PPP1R9A: variants seen among roughly 807,000 people sequenced by gnomAD.
PPP1R9A encodes the protein neurabin-1.
A neutral mutation model predicts 141.9 loss-of-function variants in PPP1R9A; 59 were observed. The ratio of observed to expected loss-of-function variants is 0.42; its 90% CI spans 0.34 to 0.52. The LOEUF is 0.52. PPP1R9A is among the 20% of genes least tolerant of loss of function. The pLI is 0.10. For synonymous variants in PPP1R9A, 500 were observed against 569.7 expected, an observed-to-expected ratio of 0.88 and a Z score of 1.74; for missense variants, 1,444 against 1,611.9, an observed-to-expected ratio of 0.90 and a Z score of 1.78.
At chr7:95,078,263 C>G (rs1052581071) in intron 2 of PPP1R9A, among the ~76,000 whole-genome samples, 26 of 151,534 alleles carry the variant, frequency 1.7e-4, no homozygotes, top group African/African-American at 4.4e-4. Context: ...AGTTTACTGA[C>G]AATGATGATT....
chr7:95,087,526 C>T (rs543493653), intron 2 of PPP1R9A, among the ~76,000 whole-genome samples: 2 of 152,114 alleles, frequency 1.3e-5, no homozygotes, highest in Admixed American at 6.5e-5. Context: ...AAAAGTGAAA[C>T]ATGATGAAAT....
At chr7:94,947,469 C>T (rs565944360) in intron 2 of PPP1R9A, among the ~76,000 whole-genome samples, 2 of 152,260 alleles carry the variant, frequency 1.3e-5, no homozygotes, top group East Asian at 1.9e-4. Context: ...GCATTTTCTA[C>T]AGCTACAGTG....
At chr7:94,944,126 A>G (rs1319109070) in intron 2 of PPP1R9A, among the ~76,000 whole-genome samples, 2 of 152,138 alleles carry the variant, frequency 1.3e-5, no homozygotes, top group Non-Finnish European at 2.9e-5. Flanking sequence ...GATATCCATC[A>G]CGTTATACTT....
intron 2 of PPP1R9A, among the ~76,000 whole-genome samples, chr7:95,020,331 G>A (rs1270255517): frequency 6.6e-6 from 1 of 151,886 alleles, no homozygotes; most frequent in Non-Finnish European, 1.5e-5. Context: ...TACATATCCA[G>A]GTCATTGTGA....
chr7:95,259,038 T>A (rs1800034932), intron 12 of PPP1R9A, among the ~76,000 whole-genome samples: 1 of 152,206 alleles, frequency 6.6e-6, no homozygotes, highest in African/African-American at 2.4e-5. Context: ...TTAATTAATT[T>A]TAGTTACACC....
At chr7:95,202,439 A>G (rs1010540544) in intron 6 of PPP1R9A, 2 of 184,446 alleles carry the variant, frequency 1.1e-5, no homozygotes, top group Non-Finnish European at 2.0e-5. Context: ...TGAATATTTG[A>G]ACAATTGAAA....
chr7:95,063,633 G>A (rs1482062523), intron 2 of PPP1R9A, among the ~76,000 whole-genome samples: 2 of 152,122 alleles, frequency 1.3e-5, no homozygotes, highest in Admixed American at 1.3e-4. Context: ...ATTCTTACAT[G>A]TGTATGTGAT....
chr7:95,120,668 A>C, intron 3 of PPP1R9A, 44 bp from the exon 4 acceptor site: 1 of 1,600,450 alleles, frequency 6.2e-7, no homozygotes, highest in South Asian at 1.1e-5. Flanking sequence ...GACTAGTGTA[A>C]AACTTAAGTT....
intron 4 of PPP1R9A, among the ~76,000 whole-genome samples, chr7:95,132,442 A>T (rs1824825749): frequency 6.6e-6 from 1 of 152,076 alleles, no homozygotes; most frequent in African/African-American, 2.4e-5. Flanking sequence ...AGAAGATCGT[A>T]TGGTTTTTGT....
intron 2 of PPP1R9A, among the ~76,000 whole-genome samples, chr7:94,914,169 A>C (rs1241520067): frequency 6.6e-6 from 1 of 152,222 alleles, no homozygotes; most frequent in African/African-American, 2.4e-5. Context: ...TTCTTTAAAT[A>C]AATGATTTTT....
At chr7:95,224,573 A>G (rs1337914832) in intron 7 of PPP1R9A, among the ~76,000 whole-genome samples, 3 of 152,164 alleles carry the variant, frequency 2.0e-5, no homozygotes, top group Non-Finnish European at 4.4e-5. Context: ...CAATTACAGC[A>G]AATTACCTTG....
intron 4 of PPP1R9A, among the ~76,000 whole-genome samples, chr7:95,141,009 T>G (rs2152567423): frequency 6.6e-6 from 1 of 152,320 alleles, no homozygotes; most frequent in South Asian, 2.1e-4. Context: ...CTTGAGCCAC[T>G]ACTCCCAGCC....
chr7:95,114,503 A>G (rs1417324269), intron 3 of PPP1R9A, among the ~76,000 whole-genome samples: 3 of 152,074 alleles, frequency 2.0e-5, no homozygotes, highest in Admixed American at 6.6e-5. Context: ...TTGTACATGG[A>G]TGTTTGTTTT....
intron 2 of PPP1R9A, among the ~76,000 whole-genome samples, chr7:95,020,134 A>G (rs1805716634): frequency 6.6e-6 from 1 of 152,146 alleles, no homozygotes; most frequent in African/African-American, 2.4e-5. Flanking sequence ...TTATTATATA[A>G]TTCTACTTAT....
chr7:95,040,600 TG>T (rs1427442310), intron 2 of PPP1R9A, among the ~76,000 whole-genome samples: 2 of 152,192 alleles, frequency 1.3e-5, no homozygotes, highest in African/African-American at 4.8e-5. Flanking sequence ...TCTTGAAATT[TG>T]TATCTTCTCC....
rs111647070 is a variant in PPP1R9A at position 94,910,974 on chromosome 7, C to A, written c.861C>A (p.Thr287=). ...TACCAGAAGTGGCTTCTAAAAGTAC[C>A]TCTCTAGCTTCGATACCTGGTGAAG... ...TPVPEVASKS[T]SLASIPGEEI... is the part of the protein sequence containing the mutation. The change falls in exon 2 of 20, where the codon ACC becomes ACA. Residue 287 remains threonine (T), a synonymous_variant. Coordinates refer to ENST00000433360, the MANE Select transcript of PPP1R9A (RefSeq NM_001166160.2). This position sits in a 1 kb window ranked among gnomAD's most constrained non-coding sequence, Gnocchi z 4.5. The A allele has an allele frequency of 7.4e-6, 12 of 1,614,122 alleles. No homozygotes were observed. The highest frequency in any genetic ancestry group is 1.6e-4 in the Middle Eastern group (1 of 6,062).
At chr7:95,204,605 C>T (rs1042101057) in intron 7 of PPP1R9A, among the ~76,000 whole-genome samples, 1 of 151,568 alleles carries the variant, frequency 6.6e-6, no homozygotes, top group African/African-American at 2.4e-5. Context: ...CACACACACA[C>T]ACCACACACA....
chr7:95,198,406 C>G lies in PPP1R9A; in HGVS notation c.1812C>G (p.Ser604Arg). 3 of 1,613,384 alleles carry G rather than the reference C, an allele frequency of 1.9e-6. No individual in the cohort carries two copies. The highest frequency in any genetic ancestry group is 2.5e-6 in the Non-Finnish European group (3 of 1,179,740). The change falls in exon 6 of 20, where the codon AGC becomes AGG. Residue 604 changes from serine to arginine, a missense_variant. By Grantham distance (110) the Ser-to-Arg change is moderately radical (BLOSUM62 -1). This residue lies in a region of PPP1R9A where 488 missense variants were observed against 542.0 expected (regional missense o/e 0.90). Transcript: ENST00000433360. ...GQVSEVAQLI[S>R]QTLEQERRQR... is the part of the protein sequence containing the mutation. The stretch of plus-strand genomic sequence containing the variant: ...TGAGCGAGGTTGCCCAGTTGATAAG[C>G]CAGACACTGGAACAGGAGAGGCGCC...
intron 13 of PPP1R9A, 97 bp downstream of exon 13, chr7:95,268,804 A>G (rs1801698179): frequency 2.1e-6 from 3 of 1,423,888 alleles, no homozygotes; most frequent in South Asian, 1.4e-5. Flanking sequence ...AACAGAGTCT[A>G]TGTCCTAGTT....
Sources: gnomAD v4.1 joint callset for allele counts (sites outside exome capture counted in the v4.1 genomes callset) on GRCh38, gnomAD v4.1.1 for gene constraint, gnomAD v4.1.1 regional missense constraint, Gnocchi (gnomAD v3.1) non-coding constraint, MANE v1.5 for transcripts, NCBI Gene and HGNC (gene_info 2026-07-23, HGNC 2026-07-21) for gene names.